Variants in CENPC observed in about 807,000 individuals in gnomAD.
CENPC encodes CENP-C 1.
A neutral mutation model predicts 112.1 loss-of-function variants in CENPC; 63 were observed. The ratio of observed to expected loss-of-function variants is 0.56; its 90% CI spans 0.46 to 0.69. CENPC has a LOEUF of 0.69. CENPC is among the 30% of genes least tolerant of loss of function. The pLI, the probability that CENPC is intolerant of heterozygous loss-of-function variation, is 0.00. For missense variants in CENPC, 1,000 were observed against 1,103.8 expected, an observed-to-expected ratio of 0.91 and a Z score of 1.33; for synonymous variants, 333 against 367.6, an observed-to-expected ratio of 0.91 and a Z score of 1.08.
At chr4:67,543,982 T>C (rs1412032224) in intron 2 of CENPC, among the ~76,000 whole-genome samples, 167 bp downstream of exon 2, 4 of 152,184 alleles carry the variant, frequency 2.6e-5, no homozygotes, top group African/African-American at 9.7e-5. Context: ...CACAAAGTCA[T>C]TGCACTGCTT....
intron 9 of CENPC, among the ~76,000 whole-genome samples, chr4:67,509,505 C>G (rs1725836969): frequency 1.3e-5 from 2 of 152,050 alleles, no homozygotes; most frequent in Admixed American, 1.3e-4. Flanking sequence ...TATGCTGACA[C>G]CTATAATATC....
At chr4:67,474,563 TG>T in intron 18 of CENPC, 1 of 262,460 alleles carries the variant, frequency 3.8e-6, no homozygotes, top group Non-Finnish European at 7.3e-6. Flanking sequence ...CCGGATGTGG[TG>T]GTTCGTGCCT....
At chr4:67,482,103 A>G (rs1194618962) in intron 17 of CENPC, among the ~76,000 whole-genome samples, 3 of 152,212 alleles carry the variant, frequency 2.0e-5, no homozygotes, top group Admixed American at 6.5e-5. Context: ...AAAGTGGGCT[A>G]AGGACATGAA....
rs536393852 is a variant in CENPC, at chr4:67,544,641, T to C, written c.19-446A>G. Among the ~76,000 whole-genome samples the C allele has an allele frequency of 2.4e-3, 358 of 152,242 alleles. 2 individuals carry two copies. Among genetic ancestry groups the C allele is most frequent in the Non-Finnish European group, 4.0e-3 (272 of 68,014 alleles). On this transcript the variant is annotated intron_variant, in intron 1 of 18. Coordinates refer to ENST00000273853, the MANE Select transcript of CENPC (RefSeq NM_001812.4). ...TTATATAGTAACCATAACCAAAGTA[T>C]GAAATATAGAATAGTGAACACCAAA...
chr4:67,535,595 T>A (rs1726695211), intron 4 of CENPC, among the ~76,000 whole-genome samples: 1 of 152,020 alleles, frequency 6.6e-6, no homozygotes, highest in Non-Finnish European at 1.5e-5. Flanking sequence ...CAAAATTAAA[T>A]CAAGAGAAAA....
intron 17 of CENPC, among the ~76,000 whole-genome samples, chr4:67,483,305 C>G (rs901954349): frequency 1.3e-5 from 2 of 151,886 alleles, no homozygotes; most frequent in Non-Finnish European, 2.9e-5. Context: ...CTGCAGTGGG[C>G]TGATATCGTG....
rs182893888 is a variant in CENPC at position 67,515,894 on chromosome 4, A to G, written c.831-1207T>C. Among the ~76,000 whole-genome samples, 54 of 152,056 alleles carry G rather than the reference A, an allele frequency of 3.6e-4. 1 individual carries two copies. The highest frequency in any genetic ancestry group is 3.4e-3 in the Middle Eastern group (1 of 294). ...ATGTTATTAAATAATGAAGTCAAACAATGTTTCCCAACTCTAGACCTTTCT... is the reference window on the plus strand; with the variant it reads ...ATGTTATTAAATAATGAAGTCAAACGATGTTTCCCAACTCTAGACCTTTCT... On this transcript the variant is annotated intron_variant, in intron 7 of 18. Coordinates refer to ENST00000273853, the MANE Select transcript of CENPC (RefSeq NM_001812.4).
intron 8 of CENPC, among the ~76,000 whole-genome samples, chr4:67,513,424 G>A (rs2109803390): frequency 6.6e-6 from 1 of 152,252 alleles, no homozygotes; most frequent in East Asian, 1.9e-4. Context: ...TTAGTGTGTA[G>A]AATATAGCAG....
In CENPC at chr4:67,540,307, T is replaced by C. The variant is rs151177922; in HGVS notation, c.137-373A>G. On this transcript the variant is annotated intron_variant, in intron 3 of 18. Coordinates refer to ENST00000273853, the MANE Select transcript of CENPC (RefSeq NM_001812.4). Reference sequence around the variant, plus strand: ...AATTTATGACTTCCTTAAACAGATATGTAAATCACCAAAGATTATCTCAAA... The same window carrying C: ...AATTTATGACTTCCTTAAACAGATACGTAAATCACCAAAGATTATCTCAAA... Among the ~76,000 whole-genome samples, 216 of 152,318 alleles carry C rather than the reference T, an allele frequency of 1.4e-3. 2 individuals carry two copies. In the South Asian group the frequency reaches 0.022, roughly 16 times the overall value.
intron 4 of CENPC, among the ~76,000 whole-genome samples, chr4:67,537,111 T>A (rs772978278): frequency 6.6e-6 from 1 of 150,436 alleles, no homozygotes; most frequent in East Asian, 1.9e-4. Context: ...CTACAGACAT[T>A]AACAAGACTG....
chr4:67,514,168 G>A lies in CENPC; in HGVS notation c.1350C>T (p.Thr450=), dbSNP rs370280968. 3 of 1,612,014 alleles carry A rather than the reference G, an allele frequency of 1.9e-6. No individual in the cohort carries two copies. The highest frequency in any genetic ancestry group is 2.5e-6 in the Non-Finnish European group (3 of 1,179,186). ...KDENIHTSHI[T]QDEFQRNSDR... ...CTGAATTTCTTTGAAATTCGTCTTG[G>A]GTAATATGTGATGTATGTATGTTTT... The change falls in exon 8 of 19, where the codon ACC becomes ACT. Residue 450 remains threonine (T), a synonymous_variant. Transcript: ENST00000273853.
chr4:67,475,017 C>A (rs1357067436), intron 17 of CENPC, 39 bp from the exon 18 acceptor site: 1 of 1,112,386 alleles, frequency 9.0e-7, no homozygotes, highest in East Asian at 2.6e-5. Context: ...CAAAACTGAA[C>A]CATGATAATA....
In CENPC at chr4:67,537,627, T is replaced by C. The variant is rs539070155; in HGVS notation, c.231+2213A>G. ...GGCCAACATGGTTAAACCCCATCTC[T>C]ACTAAAAATACAAATATTAGCCAGG... On this transcript the variant is annotated intron_variant, in intron 4 of 18. Transcript: ENST00000273853. Among the ~76,000 whole-genome samples the C allele has an allele frequency of 2.6e-5, 4 of 152,244 alleles. No individual in the cohort carries two copies. In the South Asian group the frequency reaches 8.3e-4, roughly 32 times the overall value.
chr4:67,520,638 C>T (rs949097012), intron 5 of CENPC, among the ~76,000 whole-genome samples: 9 of 152,160 alleles, frequency 5.9e-5, no homozygotes, highest in African/African-American at 1.9e-4. Flanking sequence ...AGAATCCTAA[C>T]AGCATCAGAA....
At chr4:67,506,348 T>C (rs1205508701) in intron 11 of CENPC, among the ~76,000 whole-genome samples, 1 of 152,168 alleles carries the variant, frequency 6.6e-6, no homozygotes, top group Non-Finnish European at 1.5e-5. Flanking sequence ...CGGTGTACAA[T>C]GTCAAAGACT....
At chr4:67,531,334 A>T (rs1398408380) in intron 4 of CENPC, among the ~76,000 whole-genome samples, 1 of 152,230 alleles carries the variant, frequency 6.6e-6, no homozygotes, top group Non-Finnish European at 1.5e-5. Context: ...TGTAAAGTTC[A>T]AAATAGACAC....
chr4:67,491,951 G>A (rs1302714697), intron 16 of CENPC, among the ~76,000 whole-genome samples: 2 of 152,062 alleles, frequency 1.3e-5, no homozygotes, highest in Non-Finnish European at 2.9e-5. Flanking sequence ...CACTACTTGT[G>A]CCCCAGAGGA....
intron 4 of CENPC, among the ~76,000 whole-genome samples, chr4:67,538,067 A>C (rs930987414): frequency 6.6e-6 from 1 of 152,192 alleles, no homozygotes; most frequent in African/African-American, 2.4e-5. Flanking sequence ...CAAATATTTG[A>C]GAAAGAAACA....
intron 12 of CENPC, among the ~76,000 whole-genome samples, chr4:67,499,132 A>G (rs1319975762): frequency 6.6e-6 from 1 of 152,198 alleles, no homozygotes; most frequent in African/African-American, 2.4e-5. Context: ...TTCTACTAAT[A>G]GAGCAAAGTA....
Sources: gnomAD v4.1 joint callset for allele counts (sites outside exome capture counted in the v4.1 genomes callset) on GRCh38, gnomAD v4.1.1 for gene constraint, MANE v1.5 for transcripts, NCBI Gene and HGNC (gene_info 2026-07-23, HGNC 2026-07-21) for gene names.